ZNF821: variants seen among roughly 807,000 people sequenced by gnomAD.
ZNF821 encodes zinc finger protein 821.
ZNF821 carries 16 observed loss-of-function variants against 44.3 expected under a neutral mutation model. The ratio of observed to expected loss-of-function variants is 0.36; its 90% CI spans 0.24 to 0.55. The LOEUF is 0.55. Ranked by LOEUF, ZNF821 falls within the 20% of genes least tolerant of loss-of-function variation. ZNF821 has a pLI of 0.86. For synonymous variants in ZNF821, 204 were observed against 197.6 expected (o/e 1.03, Z -0.27); for missense variants, 436 against 547.6 (o/e 0.80, Z 2.03).
chr16:71,877,128 T>C (rs1423630089), intron 3 of ZNF821, among the ~76,000 whole-genome samples: 1 of 152,256 alleles, frequency 6.6e-6, no homozygotes, highest in East Asian at 1.9e-4. Flanking sequence ...GGAGGTTTGC[T>C]ATTGTAATCT....
exon 1 of ZNF821, chr16:71,894,956 G>A (rs2036932295): frequency 5.7e-6 from 5 of 873,610 alleles, no homozygotes; most frequent in African/African-American, 5.0e-5. Context: ...ATACCACACA[G>A]ACCGGAGCGA....
At chr16:71,873,340 C>T (rs1196373746) in intron 3 of ZNF821, among the ~76,000 whole-genome samples, 1 of 151,250 alleles carries the variant, frequency 6.6e-6, no homozygotes, top group Non-Finnish European at 1.5e-5. Context: ...AAAAACTGTA[C>T]TCAGAAGGGG....
At chr16:71,876,365 G>A (rs891586754) in intron 3 of ZNF821, among the ~76,000 whole-genome samples, 5 of 151,818 alleles carry the variant, frequency 3.3e-5, no homozygotes, top group Admixed American at 1.3e-4. Context: ...CACTGCACCC[G>A]GCTAATTTTT....
rs1446228645 is a variant in ZNF821 at position 71,860,356 on chromosome 16, G to A, written c.901C>T (p.Arg301Cys). 6.2e-7 allele frequency: 1 copy of A among 1,611,664 alleles called. No homozygotes were observed. The highest frequency in any genetic ancestry group is 8.5e-7 in the Non-Finnish European group (1 of 1,180,016). Residue 301 changes from arginine to cysteine, a missense_variant, in exon 8 of 8, where the codon CGT (arginine) becomes TGT (cysteine). Coordinates refer to ENST00000425432, the MANE Select transcript of ZNF821 (RefSeq NM_001201552.2). This position sits in a 1 kb window ranked among gnomAD's most constrained non-coding sequence, Gnocchi z 7.3. ...ATGCGCTGCAAGCGCTTGGCTTCAC[G>A]GTCCCTCATGCGCCTCACCTCCCGC... ...EEREVRRMRD[R>C]EAKRLQRMQE...
intron 6 of ZNF821, among the ~76,000 whole-genome samples, chr16:71,863,387 T>C (rs1054718300): frequency 7.3e-5 from 11 of 149,772 alleles, no homozygotes; most frequent in African/African-American, 2.5e-4. Flanking sequence ...TGTTGGAAGC[T>C]TGGAGCAGAA....
At chr16:71,884,459 A>C (rs1302462584), upstream of ZNF821, 4 of 151,374 alleles carry the variant, frequency 2.6e-5, no homozygotes, top group Admixed American at 6.6e-5. Flanking sequence ...GGACGTGTAA[A>C]CGCCACCCTA....
Position 71,860,601 on chromosome 16 carries a change from T to C in ZNF821, c.656A>G (p.Glu219Gly). ...TVHNEGPSSA[E>G]GKDIAFSPPV... is the part of the protein sequence containing the mutation. Reference sequence around the variant, plus strand: ...AGGACTAAAGGCAATATCCTTCCCCTCAGCACTGGAGGGACCCTCATTGTG... The same window carrying C: ...AGGACTAAAGGCAATATCCTTCCCCCCAGCACTGGAGGGACCCTCATTGTG... Residue 219 changes from glutamate to glycine, a missense_variant, in exon 8 of 8, where the codon GAG (glutamate) becomes GGG (glycine). This residue lies in a region of ZNF821 where 238 missense variants were observed against 281.4 expected (regional missense o/e 0.85). Coordinates refer to ENST00000425432, the MANE Select transcript of ZNF821 (RefSeq NM_001201552.2). This position sits in a 1 kb window ranked among gnomAD's most constrained non-coding sequence, Gnocchi z 7.3. 1 of 1,614,084 alleles carries C rather than the reference T, an allele frequency of 6.2e-7. No individual in the cohort carries two copies. The highest frequency in any genetic ancestry group is 8.5e-7 in the Non-Finnish European group (1 of 1,180,028).
intron 2 of ZNF821, chr16:71,882,064 G>C (rs1170416309): frequency 6.6e-6 from 1 of 152,216 alleles, no homozygotes; most frequent in African/African-American, 2.4e-5. Context: ...GAGGTCGGGA[G>C]TTTGAGAACA....
At chr16:71,882,736 T>C (rs867544894) in intron 2 of ZNF821, among the ~76,000 whole-genome samples, 6 of 152,044 alleles carry the variant, frequency 3.9e-5, no homozygotes, top group Admixed American at 3.3e-4. Context: ...TCATGGGCTG[T>C]TGAAAATCAA....
At chr16:71,874,213 C>T (rs1158267954) in intron 3 of ZNF821, among the ~76,000 whole-genome samples, 4 of 151,814 alleles carry the variant, frequency 2.6e-5, no homozygotes, top group Non-Finnish European at 5.9e-5. Flanking sequence ...CCACCCGCCT[C>T]GGCCTCCCAA....
chr16:71,867,049 G>A (rs577173936), intron 4 of ZNF821, among the ~76,000 whole-genome samples: 2 of 152,338 alleles, frequency 1.3e-5, no homozygotes, highest in South Asian at 4.1e-4. Flanking sequence ...AATCCATGAG[G>A]CTCAACTTGT....
upstream of ZNF821, among the ~76,000 whole-genome samples, chr16:71,887,800 T>C (rs549544922): frequency 1.9e-4 from 29 of 152,340 alleles, 1 homozygote; most frequent in South Asian, 5.4e-3. Context: ...GTGCTTATTA[T>C]TGACCATTTG....
intron 1 of ZNF821, among the ~76,000 whole-genome samples, chr16:71,890,068 T>A (rs1378352231): frequency 6.6e-6 from 1 of 152,214 alleles, no homozygotes; most frequent in Non-Finnish European, 1.5e-5. Context: ...TTGTAAACTG[T>A]AAAATGCCAC....
chr16:71,894,981 G>C, exon 1 of ZNF821: 1 of 694,246 alleles, frequency 1.4e-6, no homozygotes, highest in South Asian at 1.7e-5. Flanking sequence ...GGTCCAAAGG[G>C]CAACCGGACG....
intron 4 of ZNF821, among the ~76,000 whole-genome samples, chr16:71,867,238 T>C (rs904154971): frequency 1.3e-5 from 2 of 152,174 alleles, no homozygotes; most frequent in Non-Finnish European, 2.9e-5. Context: ...TGATTACAAA[T>C]ACATAGATCC....
At chr16:71,883,108 C>G (rs1373505385) in intron 2 of ZNF821, 103 bp downstream of exon 2, 1 of 456,434 alleles carries the variant, frequency 2.2e-6, no homozygotes, top group South Asian at 1.5e-5. Flanking sequence ...TGTCTCTGCT[C>G]TCCCACAGGT....
upstream of ZNF821, among the ~76,000 whole-genome samples, chr16:71,889,639 A>G (rs1597221314): frequency 6.6e-6 from 1 of 152,198 alleles, no homozygotes; most frequent in East Asian, 1.9e-4. Context: ...ATGCCATTGC[A>G]CTCCAGCCTA....
intron 1 of ZNF821, among the ~76,000 whole-genome samples, chr16:71,893,659 A>G (rs542883719): frequency 2.8e-4 from 41 of 146,222 alleles, no homozygotes; most frequent in Middle Eastern, 7.9e-3. Context: ...CGGTTTCACC[A>G]TGTTGGCCAG....
chr16:71,889,685 CA>C (rs1020080358), upstream of ZNF821, among the ~76,000 whole-genome samples: 2 of 151,628 alleles, frequency 1.3e-5, no homozygotes, highest in African/African-American at 2.4e-5. Context: ...AAAAACAAAA[CA>C]AAAAACAAAA....
Sources: allele counts gnomAD v4.1 joint callset (sites outside exome capture counted in the v4.1 genomes callset), GRCh38; gene constraint gnomAD v4.1.1; regional missense constraint gnomAD v4.1.1; non-coding constraint Gnocchi (gnomAD v3.1); transcripts MANE v1.5; gene names NCBI Gene and HGNC (gene_info 2026-07-23, HGNC 2026-07-21).